SI: variants seen among roughly 807,000 people sequenced by gnomAD.
SI encodes the protein sucrase-isomaltase, intestinal.
Under a neutral mutation model 253.3 loss-of-function variants are expected in SI, and 235 were observed. The observed-to-expected ratio is 0.93, with a 90% CI of 0.83 to 1.03. The LOEUF is 1.03. Ranked by LOEUF, SI falls within the 50% of genes least tolerant of loss-of-function variation. The pLI, the probability that SI is intolerant of heterozygous loss-of-function variation, is 0.00. For synonymous variants in SI, 819 were observed against 712.0 expected, an observed-to-expected ratio of 1.15 and a Z score of -2.39; for missense variants, 2,442 against 2,211.1, an observed-to-expected ratio of 1.10 and a Z score of -2.09.
At chr3:165,028,600 A>G (rs1286382571) in intron 25 of SI, among the ~76,000 whole-genome samples, 3 of 151,446 alleles carry the variant, frequency 2.0e-5, no homozygotes, top group Admixed American at 6.6e-5. Context: ...CACATAGACC[A>G]ATGGAACAGA....
chr3:165,000,083 A>G (rs558588611), intron 37 of SI, among the ~76,000 whole-genome samples: 3 of 151,404 alleles, frequency 2.0e-5, no homozygotes, highest in African/African-American at 7.2e-5. Flanking sequence ...ATAAATCTAT[A>G]TGAAAATGTA....
the SI span, among the ~76,000 whole-genome samples, chr3:165,088,918 A>G: frequency 3.9e-5 from 6 of 152,038 alleles, 1 homozygote; most frequent in African/African-American, 1.4e-4. Flanking sequence ...CTATAAAATC[A>G]ATATTGCTTT....
intron 27 of SI, 113 bp downstream of exon 27, chr3:165,021,116 A>C (rs920132158): frequency 2.3e-6 from 2 of 886,464 alleles, no homozygotes; most frequent in Admixed American, 4.1e-5. Context: ...AACACGTCTT[A>C]AATTTTTTTG....
At position 165,030,789 on chromosome 3, in the gene SI, C is replaced by A; in HGVS notation, c.2815G>T (p.Glu939Ter). 6.3e-7 allele frequency: 1 copy of A among 1,590,488 alleles called. No individual in the cohort carries two copies. Among genetic ancestry groups the A allele is most frequent in the Non-Finnish European group, 8.6e-7 (1 of 1,166,588 alleles). ...VQWNQIFSEN[E>*]RFNCYPDADL... Reference sequence around the variant, plus strand: ...GCATCTGGATAACAATTAAATCTTTCATTTTCTGAGAAAATTTGATTCCAT... The same window carrying A: ...GCATCTGGATAACAATTAAATCTTTAATTTTCTGAGAAAATTTGATTCCAT... Residue 939 changes from glutamate to a stop codon, truncating the protein, a stop_gained, in exon 25 of 48, where the codon GAA becomes TAA. Transcript: ENST00000264382. LOFTEE classifies it high-confidence loss of function.
At chr3:165,045,554 A>C (rs1269384849) in intron 16 of SI, among the ~76,000 whole-genome samples, 3 of 151,604 alleles carry the variant, frequency 2.0e-5, no homozygotes, top group Non-Finnish European at 4.4e-5. Context: ...TTTCCTCTAG[A>C]GATTTTGTTT....
At chr3:165,081,343 A>C (rs1304061298), upstream of SI, among the ~76,000 whole-genome samples, 1 of 152,002 alleles carries the variant, frequency 6.6e-6, no homozygotes, top group Non-Finnish European at 1.5e-5. Flanking sequence ...GTGAACACCA[A>C]AAGTGAATCA....
intron 25 of SI, among the ~76,000 whole-genome samples, chr3:165,027,184 C>T (rs1361522046): frequency 1.3e-5 from 2 of 151,208 alleles, no homozygotes; most frequent in African/African-American, 4.8e-5. Context: ...CTACTATGAA[C>T]ACCGTTACAC....
chr3:164,993,337 A>G (rs1426604654), intron 41 of SI, among the ~76,000 whole-genome samples: 1 of 151,712 alleles, frequency 6.6e-6, no homozygotes, highest in Non-Finnish European at 1.5e-5. Context: ...TAAATTAATA[A>G]AGCAACCAGA....
intron 10 of SI, 149 bp from the exon 11 acceptor site, chr3:165,059,448 T>C (rs1038341430): frequency 1.3e-6 from 1 of 776,288 alleles, no homozygotes; most frequent in Non-Finnish European, 2.1e-6. Flanking sequence ...AAGAAGCAAT[T>C]GTACTGTTTG....
the SI span, among the ~76,000 whole-genome samples, chr3:165,084,491 T>C: frequency 8.6e-5 from 13 of 152,032 alleles, no homozygotes; most frequent in African/African-American, 3.1e-4. Flanking sequence ...TTTCAGTCAT[T>C]TGATATGTAA....
chr3:164,979,789 T>A (rs1172767923), intron 47 of SI, among the ~76,000 whole-genome samples: 1 of 151,880 alleles, frequency 6.6e-6, no homozygotes, highest in Non-Finnish European at 1.5e-5. Context: ...CATCCCTTTG[T>A]CAAGTATTAT....
At chr3:164,984,103 C>T (rs1381959698) in intron 45 of SI, among the ~76,000 whole-genome samples, 4 of 152,164 alleles carry the variant, frequency 2.6e-5, no homozygotes, top group African/African-American at 7.2e-5. Flanking sequence ...AAGCTAATTA[C>T]TGTCAATGTC....
rs775942223 is a variant in SI, at chr3:165,075,955, C to T, written c.58G>A (p.Val20Ile). 1.3e-6 allele frequency: 2 copies of T among 1,598,732 alleles called. No homozygotes were observed. The highest frequency in any genetic ancestry group is 1.1e-5 in the South Asian group (1 of 89,320). ...ATTAAGGCAATAGCTATTATAGTAA[C>T]TATGACAAAAAGGACAATCAGAGAG... is the stretch of plus-strand genomic sequence containing the variant. ...EISLIVLFVIVTIIAIALIVV... is the reference protein window; with the variant it reads ...EISLIVLFVIITIIAIALIVV... Residue 20 changes from valine to isoleucine, a missense_variant, in exon 2 of 48, where the codon GTT (valine) becomes ATT (isoleucine). Val to Ile is a conservative substitution (Grantham distance 29). Coordinates refer to ENST00000264382, the MANE Select transcript of SI (RefSeq NM_001041.4).
At chr3:164,982,106 G>C (rs1717215385) in intron 47 of SI, 137 bp downstream of exon 47, 3 of 638,364 alleles carry the variant, frequency 4.7e-6, no homozygotes, top group Non-Finnish European at 8.2e-6. Context: ...TAAATATGGA[G>C]GCCTAATGAA....
chr3:164,993,206 C>T (rs1485130650), intron 41 of SI, among the ~76,000 whole-genome samples: 1 of 151,472 alleles, frequency 6.6e-6, no homozygotes, highest in Admixed American at 6.6e-5. Flanking sequence ...TGACTCAGCC[C>T]AGAGGTGATA....
chr3:164,988,986 AATG>A (rs1717570294), intron 44 of SI, among the ~76,000 whole-genome samples: 1 of 152,072 alleles, frequency 6.6e-6, no homozygotes, highest in Non-Finnish European at 1.5e-5. Flanking sequence ...AAGGTCATTA[AATG>A]ATGAGCTAAT....
At chr3:165,081,776 A>G (rs1251235102), upstream of SI, among the ~76,000 whole-genome samples, 1 of 151,982 alleles carries the variant, frequency 6.6e-6, no homozygotes, top group Non-Finnish European at 1.5e-5. Context: ...TTCTCCTAGA[A>G]GACAGAAGCA....
intron 26 of SI, among the ~76,000 whole-genome samples, chr3:165,023,217 C>G (rs1024035599): frequency 6.6e-6 from 1 of 151,264 alleles, no homozygotes; most frequent in African/African-American, 2.4e-5. Context: ...ATTGCATTGG[C>G]CAGAAAATTA....
Position 165,060,030 on chromosome 3 carries a change from T to C in SI, c.1021-3A>G. 1 of 1,610,474 alleles carries C rather than the reference T, an allele frequency of 6.2e-7. No homozygotes were observed. The highest frequency in any genetic ancestry group is 8.5e-7 in the Non-Finnish European group (1 of 1,177,486). ...GGCATTGCTGGTAGTCCAACAAGCTTAAAGTAAATGAGCATGTAATTAGTT... is the reference window on the plus strand; with the variant it reads ...GGCATTGCTGGTAGTCCAACAAGCTCAAAGTAAATGAGCATGTAATTAGTT... On this transcript the variant is annotated splice_region_variant and splice_polypyrimidine_tract_variant and intron_variant, in intron 9 of 47. Coordinates refer to ENST00000264382, the MANE Select transcript of SI (RefSeq NM_001041.4).
Sources: gnomAD v4.1 joint callset for allele counts (sites outside exome capture counted in the v4.1 genomes callset) on GRCh38, gnomAD v4.1.1 for gene constraint, MANE v1.5 for transcripts, NCBI Gene and HGNC (gene_info 2026-07-23, HGNC 2026-07-21) for gene names.